APOL3: variants seen among roughly 807,000 people sequenced by gnomAD.
APOL3 encodes apolipoprotein L3, also known as TNF-inducible protein CG12-1.
Under a neutral mutation model 11.6 loss-of-function variants are expected in APOL3, and 14 were observed. That is an observed-to-expected ratio of 1.21 (90% confidence interval 0.80 to 1.89). The LOEUF is 1.89. APOL3 is among the 40% of genes most tolerant of loss of function. APOL3 has a pLI of 0.00. For synonymous variants in APOL3, 192 were observed against 190.6 expected (o/e 1.01, Z -0.06); for missense variants, 483 against 492.1 (o/e 0.98, Z 0.17).
At chr22:36,141,760 G>A in exon 3 of APOL3, 1 of 1,614,174 alleles carries the variant, frequency 6.2e-7, no homozygotes, top group South Asian at 1.1e-5. Flanking sequence ...GTAAGGGCCA[G>A]ACTCGTCCCT....
At chr22:36,165,951 C>T (rs1165946807) in exon 1 of APOL3, 1 of 152,150 alleles carries the variant, frequency 6.6e-6, no homozygotes, top group African/African-American at 2.4e-5. Flanking sequence ...CCCTGGCCCA[C>T]CTAAGTTTAG....
chr22:36,161,000 G>C (rs2013663518), upstream of APOL3: 1 of 986,450 alleles, frequency 1.0e-6, no homozygotes, highest in African/African-American at 1.6e-5. Flanking sequence ...TTGGGGGTTT[G>C]CTGTGTCTTC....
intron 1 of APOL3, among the ~76,000 whole-genome samples, chr22:36,151,521 C>G (rs1227444894): frequency 3.3e-5 from 5 of 151,988 alleles, no homozygotes; most frequent in African/African-American, 1.2e-4. Flanking sequence ...AAATAAACAA[C>G]TCTAGGACAA....
chr22:36,158,964 TGC>T (rs1161708093), intron 1 of APOL3, among the ~76,000 whole-genome samples: 3 of 93,474 alleles, frequency 3.2e-5, no homozygotes, highest in African/African-American at 7.0e-5. Context: ...GGTGTGAGTG[TGC>T]GTGTGTGTGT....
At chr22:36,151,694 C>A (rs972154002) in intron 1 of APOL3, among the ~76,000 whole-genome samples, 1 of 152,210 alleles carries the variant, frequency 6.6e-6, no homozygotes, top group Admixed American at 6.5e-5. Context: ...GTGGCTCATG[C>A]CTATAACCCC....
intron 2 of APOL3, among the ~76,000 whole-genome samples, chr22:36,143,156 T>A (rs1342557760): frequency 6.6e-6 from 1 of 152,234 alleles, no homozygotes; most frequent in African/African-American, 2.4e-5. Context: ...AATAAAGGCT[T>A]CCTGATCTAA....
upstream of APOL3, among the ~76,000 whole-genome samples, chr22:36,162,940 C>T (rs1192651549): frequency 1.3e-5 from 2 of 152,146 alleles, no homozygotes; most frequent in South Asian, 2.1e-4. Flanking sequence ...TGCTATGTTT[C>T]GCTGCTTGGC....
chr22:36,143,157 C>CATTT (rs1199697519), intron 2 of APOL3, among the ~76,000 whole-genome samples: 1 of 152,172 alleles, frequency 6.6e-6, no homozygotes, highest in Non-Finnish European at 1.5e-5. Flanking sequence ...ATAAAGGCTT[C>CATTT]CTGATCTAAT....
chr22:36,152,784 G>C (rs935678952), intron 1 of APOL3, among the ~76,000 whole-genome samples: 2 of 152,120 alleles, frequency 1.3e-5, no homozygotes, highest in African/African-American at 4.8e-5. Context: ...GCTAGCATAA[G>C]AATATTATGT....
exon 3 of APOL3, chr22:36,141,823 C>A (rs140252051): frequency 6.2e-7 from 1 of 1,614,192 alleles, no homozygotes; most frequent in Non-Finnish European, 8.5e-7. Context: ...CCAGAGGCAG[C>A]GCCAGTGGAG....
chr22:36,151,867 C>A lies in APOL3; in HGVS notation c.224-6268G>T, dbSNP rs76952520. On this transcript the variant is annotated intron_variant, in intron 1 of 2. Transcript: ENST00000349314. ...ACTCTGGAAGCTGACTGGGGAGAAT[C>A]TCTTGAGCCCAAGAGGTCACAGAGC... 5.6e-4 allele frequency among the ~76,000 whole-genome samples: 85 copies of A among 152,266 alleles called. No homozygotes were observed. The East Asian group carries it at 0.016, about 29-fold the overall frequency.
At chr22:36,141,642 G>A in exon 3 of APOL3, 1 of 1,614,146 alleles carries the variant, frequency 6.2e-7, no homozygotes, top group East Asian at 2.2e-5. Context: ...GCTGGTTGCA[G>A]TCAGCCTGCT....
intron 1 of APOL3, chr22:36,149,632 C>G (rs1341793887): frequency 2.8e-6 from 1 of 358,624 alleles, no homozygotes; most frequent in Non-Finnish European, 5.5e-6. Context: ...CATTTTGAAA[C>G]AGAAGAAACC....
chr22:36,160,568 C>T (rs950154778), intron 1 of APOL3, 101 bp downstream of exon 1: 11 of 1,280,806 alleles, frequency 8.6e-6, no homozygotes, highest in African/African-American at 1.5e-5. Context: ...AGTCAGTTAC[C>T]TAACCTCTCT....
intron 1 of APOL3, among the ~76,000 whole-genome samples, chr22:36,155,322 G>A (rs2012580247): frequency 6.6e-6 from 1 of 152,182 alleles, no homozygotes; most frequent in Non-Finnish European, 1.5e-5. Flanking sequence ...CAGACTTTAT[G>A]TTAACAACGC....
At chr22:36,159,360 T>G (rs1294305088) in intron 1 of APOL3, 3 of 152,228 alleles carry the variant, frequency 2.0e-5, no homozygotes, top group African/African-American at 7.2e-5. Context: ...GGAAGTGACT[T>G]CCCCAGTGTC....
upstream of APOL3, among the ~76,000 whole-genome samples, chr22:36,162,975 T>C (rs1372363568): frequency 6.6e-6 from 1 of 152,258 alleles, no homozygotes; most frequent in African/African-American, 2.4e-5. Flanking sequence ...ATGAGTGTTG[T>C]ATTTGCTGCA....
At chr22:36,163,579 G>T (rs963187951), upstream of APOL3, among the ~76,000 whole-genome samples, 1 of 152,214 alleles carries the variant, frequency 6.6e-6, no homozygotes, top group Non-Finnish European at 1.5e-5. Flanking sequence ...CAGCAAGGCT[G>T]TAGTACCCAC....
upstream of APOL3, chr22:36,160,989 G>A: frequency 8.9e-7 from 1 of 1,121,476 alleles, no homozygotes; most frequent in Non-Finnish European, 1.3e-6. Flanking sequence ...CATACTTAGG[G>A]TTGGGGGTTT....
Sources: allele counts gnomAD v4.1 joint callset (sites outside exome capture counted in the v4.1 genomes callset), GRCh38; gene constraint gnomAD v4.1.1; transcripts MANE v1.5; gene names NCBI Gene and HGNC (gene_info 2026-07-23, HGNC 2026-07-21).